The following TRMT1L variants were observed in gnomAD, a reference collection of about 807,000 sequenced individuals.
The protein encoded by TRMT1L is tRNA (guanine(27)-N(2))-dimethyltransferase.
A neutral mutation model predicts 81.6 loss-of-function variants in TRMT1L; 28 were observed. That is an observed-to-expected ratio of 0.34 (90% CI 0.25 to 0.47). The LOEUF (loss-of-function observed/expected upper bound fraction) is 0.47, where lower values mean the gene tolerates loss of function less well. Among genes scored for constraint, TRMT1L ranks in the 20% least tolerant of loss-of-function variants. TRMT1L has a pLI of 1.00. For missense variants in TRMT1L, 739 were observed against 877.1 expected (o/e 0.84, Z 1.99); for synonymous variants, 301 against 303.2 (o/e 0.99, Z 0.07).
intron 3 of TRMT1L, 38 bp from the exon 4 acceptor site, chr1:185,147,284 T>C (rs760118037): frequency 1.8e-5 from 27 of 1,477,212 alleles, no homozygotes; most frequent in Middle Eastern, 3.5e-4. Flanking sequence ...ACATTGTTCA[T>C]TAAATATTCA....
At chr1:185,151,686 GAATA>G (rs1166495170) in intron 2 of TRMT1L, 135 bp downstream of exon 2, 5 of 488,734 alleles carry the variant, frequency 1.0e-5, no homozygotes, top group East Asian at 3.5e-5. Context: ...CCAATTTCCT[GAATA>G]AAAAACTGTA....
chr1:185,154,161 T>C (rs1012809851), intron 1 of TRMT1L, among the ~76,000 whole-genome samples: 3 of 152,198 alleles, frequency 2.0e-5, no homozygotes, highest in Non-Finnish European at 4.4e-5. Flanking sequence ...TATCAGACAC[T>C]CCTGCTCAAA....
chr1:185,123,226 TA>T (rs1652542244), intron 13 of TRMT1L, among the ~76,000 whole-genome samples: 1 of 152,178 alleles, frequency 6.6e-6, no homozygotes, highest in South Asian at 2.1e-4. Context: ...AGCTGATAAC[TA>T]AAGGCCACTG....
At chr1:185,123,440 C>A (rs1207427142) in intron 13 of TRMT1L, among the ~76,000 whole-genome samples, 1 of 151,986 alleles carries the variant, frequency 6.6e-6, no homozygotes, top group Non-Finnish European at 1.5e-5. Flanking sequence ...TATGAAAGGC[C>A]ATATAATAAA....
intron 4 of TRMT1L, among the ~76,000 whole-genome samples, chr1:185,146,958 T>A (rs755054648): frequency 2.6e-5 from 4 of 152,088 alleles, no homozygotes; most frequent in Non-Finnish European, 5.9e-5. Flanking sequence ...AGGAGCAATT[T>A]ATCTGACTTA....
chr1:185,150,315 C>A, intron 3 of TRMT1L, 64 bp downstream of exon 3: 2 of 1,206,098 alleles, frequency 1.7e-6, no homozygotes, highest in South Asian at 1.4e-5. Context: ...ATAAAAATGC[C>A]AAAACTGGTA....
At position 185,156,755 on chromosome 1, in the gene TRMT1L, G is replaced by A. The variant is rs184462697; in HGVS notation, c.-43C>T. 5.0e-6 allele frequency: 8 copies of A among 1,609,316 alleles called. No individual in the cohort carries two copies. In the South Asian group the frequency reaches 7.7e-5, roughly 16 times the overall value. On this transcript the variant is annotated 5_prime_UTR_variant, in exon 1 of 15. Coordinates refer to ENST00000367506, the MANE Select transcript of TRMT1L (RefSeq NM_030934.5). The stretch of plus-strand genomic sequence containing the variant: ...CAAGCCCGCCCGGGGACCCGGAGCG[G>A]GGCTCACGGCGGGGTCAGAGAACTG...
rs1315644276 is a variant in TRMT1L at position 185,119,685 on chromosome 1, T to C, written c.*334A>G. On this transcript the variant is annotated 3_prime_UTR_variant, in exon 15 of 15. Coordinates refer to ENST00000367506, the MANE Select transcript of TRMT1L (RefSeq NM_030934.5). ...GTTTAGGCAGAGATGTGATTAAGAA[T>C]TGTAAAAGATGGCTTTCATAACATA... 1.0e-5 allele frequency: 2 copies of C among 195,072 alleles called. No individual in the cohort carries two copies. The highest frequency in any genetic ancestry group is 5.5e-5 in the Admixed American group (1 of 18,318). The allele number at this position is 195,072 out of a possible 1,614,324, so 12.1% of individuals were successfully genotyped here. A position where few individuals can be genotyped will look rare whatever the true frequency, so the allele number is the denominator to read the frequency against.
intron 1 of TRMT1L, among the ~76,000 whole-genome samples, chr1:185,154,483 T>C (rs1265004059): frequency 1.3e-5 from 2 of 152,378 alleles, no homozygotes; most frequent in East Asian, 1.9e-4. Context: ...AAAAATCTTT[T>C]GCTAGGTCAG....
chr1:185,143,032 G>C (rs1653091620), intron 7 of TRMT1L, among the ~76,000 whole-genome samples: 2 of 152,000 alleles, frequency 1.3e-5, no homozygotes, highest in Non-Finnish European at 2.9e-5. Context: ...TTACCTTTTA[G>C]AGATCCAACT....
intron 5 of TRMT1L, 135 bp downstream of exon 5, chr1:185,145,304 C>G: frequency 1.2e-6 from 1 of 868,084 alleles, no homozygotes; most frequent in Non-Finnish European, 1.7e-6. Context: ...AAACCAAAAG[C>G]TGAAGTAATG....
intron 11 of TRMT1L, among the ~76,000 whole-genome samples, chr1:185,127,479 G>A (rs578209008): frequency 1.9e-4 from 29 of 152,080 alleles, no homozygotes; most frequent in Middle Eastern, 6.8e-3. Context: ...AATCTCGGCC[G>A]GGTGCGGTAG....
At chr1:185,125,158 C>A in intron 11 of TRMT1L, 48 bp from the exon 12 acceptor site, 1 of 1,428,546 alleles carries the variant, frequency 7.0e-7, no homozygotes, top group Non-Finnish European at 9.4e-7. Flanking sequence ...AAATGTTTCT[C>A]TTTAAAAAGA....
At chr1:185,145,647 T>C (rs1653168776) in intron 4 of TRMT1L, 79 bp from the exon 5 acceptor site, 1 of 1,407,310 alleles carries the variant, frequency 7.1e-7, no homozygotes, top group Admixed American at 1.8e-5. Flanking sequence ...TTAAGTACAT[T>C]AGTGTCTTGG....
Position 185,119,905 on chromosome 1 carries a change from ACT to A in TRMT1L, c.*112_*113del. ...TGCTCAGTTTCTGAATGAAAATGAC[ACT>A]GTTTTTTATTTTTACTCTACTGAAT... On this transcript the variant is annotated 3_prime_UTR_variant, in exon 15 of 15. Coordinates refer to ENST00000367506, the MANE Select transcript of TRMT1L (RefSeq NM_030934.5). 2.6e-5 allele frequency: 32 copies of A among 1,226,444 alleles called. No individual in the cohort carries two copies. The highest frequency in any genetic ancestry group is 3.3e-5 in the Non-Finnish European group (30 of 911,046). 76.0% of individuals were successfully genotyped at this position (1,226,444 alleles called of 1,614,324 possible).
At chr1:185,149,818 C>A (rs1653291851) in intron 3 of TRMT1L, among the ~76,000 whole-genome samples, 1 of 151,902 alleles carries the variant, frequency 6.6e-6, no homozygotes, top group South Asian at 2.1e-4. Context: ...ATGATGAGTC[C>A]TCTTGTTGAA....
intron 2 of TRMT1L, 42 bp from the exon 3 acceptor site, chr1:185,150,534 G>A: frequency 7.2e-7 from 1 of 1,380,620 alleles, no homozygotes; most frequent in Non-Finnish European, 1.0e-6. Flanking sequence ...GAATATTCTA[G>A]TTATTAATGC....
Position 185,118,608 on chromosome 1 carries a change from A to AT in TRMT1L, c.*1410dup, listed in dbSNP as rs1652419698. On this transcript the variant is annotated 3_prime_UTR_variant, in exon 15 of 15. Transcript: ENST00000367506. ...TAACTGGCAAGAATTACACAGCAGA[A>AT]TTTTTTTAATGGTCATTATAGAAAC... 1 of 152,106 alleles carries AT rather than the reference A, an allele frequency of 6.6e-6. No homozygotes were observed. Among genetic ancestry groups the AT allele is most frequent in the African/African-American group, 2.4e-5 (1 of 41,428 alleles). 9.4% of individuals were successfully genotyped at this position (152,106 alleles called of 1,614,324 possible). A position where few individuals can be genotyped will look rare whatever the true frequency, so the allele number is the denominator to read the frequency against.
At chr1:185,142,569 T>C (rs902693529) in intron 7 of TRMT1L, among the ~76,000 whole-genome samples, 1 of 151,290 alleles carries the variant, frequency 6.6e-6, no homozygotes, top group Non-Finnish European at 1.5e-5. Context: ...GTCTAAAGGC[T>C]AGGCAATGAT....
Sources: gnomAD v4.1 joint callset for allele counts (sites outside exome capture counted in the v4.1 genomes callset) on GRCh38, gnomAD v4.1.1 for gene constraint, MANE v1.5 for transcripts, NCBI Gene and HGNC (gene_info 2026-07-23, HGNC 2026-07-21) for gene names.